The following AP1G1 variants were observed in gnomAD, a reference collection of about 807,000 sequenced individuals.
AP1G1 encodes the protein adaptor related protein complex 1 subunit gamma 1, also known as AP-1 complex subunit gamma-1.
AP1G1 carries 7 observed loss-of-function variants against 108.3 expected under a neutral mutation model. The ratio of observed to expected loss-of-function variants is 0.06; its 90% CI spans 0.04 to 0.12. The LOEUF (loss-of-function observed/expected upper bound fraction) is 0.12. Among genes scored for constraint, AP1G1 ranks in the 10% least tolerant of loss-of-function variants. The pLI is 1.00. For missense variants in AP1G1, 756 were observed against 1,010.7 expected, an observed-to-expected ratio of 0.75 and a Z score of 3.42; for synonymous variants, 379 against 353.5, an observed-to-expected ratio of 1.07 and a Z score of -0.81.
intron 17 of AP1G1, among the ~76,000 whole-genome samples, chr16:71,746,286 A>G (rs1267130848): frequency 6.6e-6 from 1 of 152,240 alleles, no homozygotes; most frequent in Non-Finnish European, 1.5e-5. Context: ...CTGGGATTAC[A>G]GGCGTGAGCC....
intron 2 of AP1G1, among the ~76,000 whole-genome samples, chr16:71,784,327 A>G (rs985685320): frequency 3.3e-5 from 5 of 152,202 alleles, no homozygotes; most frequent in Admixed American, 1.3e-4. Context: ...CATCCAGGCA[A>G]TCTGGTTCTC....
At position 71,771,258 on chromosome 16, in the gene AP1G1, A is replaced by C. The variant is rs2031557671; in HGVS notation, c.469-6T>G. ...TGAACAGCACACAGTGCTGCCTATG[A>C]AAAAAAAAATAAAAGAACAAAAGGT... On this transcript the variant is annotated splice_region_variant and splice_polypyrimidine_tract_variant and intron_variant, in intron 4 of 22. Coordinates refer to ENST00000299980, the MANE Select transcript of AP1G1 (RefSeq NM_001128.6). The C allele has an allele frequency of 6.9e-7, 1 of 1,452,804 alleles. No homozygotes were observed. Among genetic ancestry groups the C allele is most frequent in the Non-Finnish European group, 9.2e-7 (1 of 1,083,180 alleles). 90.0% of individuals were successfully genotyped at this position (1,452,804 alleles called of 1,614,324 possible). A position where few individuals can be genotyped will look rare whatever the true frequency, so the allele number is the denominator to read the frequency against.
At chr16:71,744,694 G>T (rs914933253) in intron 19 of AP1G1, among the ~76,000 whole-genome samples, 1 of 149,318 alleles carries the variant, frequency 6.7e-6, no homozygotes, top group South Asian at 2.1e-4. Flanking sequence ...TCCTGCCTCA[G>T]CCTCCGGAGT....
chr16:71,768,990 A>AAAAAAAAAAAC (rs2031458131), intron 6 of AP1G1, among the ~76,000 whole-genome samples: 1 of 144,798 alleles, frequency 6.9e-6, no homozygotes, highest in African/African-American at 2.5e-5. Context: ...AAAAAAAAAA[A>AAAAAAAAAAAC]AAAAAAAACA....
At chr16:71,801,901 G>A (rs541780125) in intron 1 of AP1G1, among the ~76,000 whole-genome samples, 86 of 137,836 alleles carry the variant, frequency 6.2e-4, no homozygotes, top group Non-Finnish European at 9.0e-4. Flanking sequence ...CAGCCTGGGC[G>A]ACAGGGCGAG....
intron 2 of AP1G1, among the ~76,000 whole-genome samples, chr16:71,785,878 T>C (rs1045857523): frequency 6.6e-6 from 1 of 151,386 alleles, no homozygotes; most frequent in African/African-American, 2.4e-5. Flanking sequence ...CGAGACTCCA[T>C]CTCAAAGAAA....
At chr16:71,741,192 C>A (rs767129138) in intron 19 of AP1G1, among the ~76,000 whole-genome samples, 1 of 152,038 alleles carries the variant, frequency 6.6e-6, no homozygotes, top group Non-Finnish European at 1.5e-5. Context: ...TAAAAAAGAA[C>A]TATCACAATG....
At chr16:71,798,064 AACT>A in intron 1 of AP1G1, among the ~76,000 whole-genome samples, 1 of 152,354 alleles carries the variant, frequency 6.6e-6, no homozygotes, top group South Asian at 2.1e-4. Context: ...ATACGAAAAA[AACT>A]ACGAAATCTA....
At chr16:71,762,333 CCT>C (rs780192173) in intron 9 of AP1G1, among the ~76,000 whole-genome samples, 6 of 151,926 alleles carry the variant, frequency 3.9e-5, no homozygotes, top group Non-Finnish European at 8.8e-5. Context: ...GGTTTTTGTC[CCT>C]GTTTCCTGGC....
At chr16:71,773,139 A>T in intron 4 of AP1G1, 82 bp downstream of exon 4, 1 of 1,474,518 alleles carries the variant, frequency 6.8e-7, no homozygotes, top group Non-Finnish European at 9.4e-7. Flanking sequence ...TTATCATCAG[A>T]TCTTTCAAAA....
intron 12 of AP1G1, among the ~76,000 whole-genome samples, chr16:71,755,140 C>T (rs760232080): frequency 2.6e-5 from 4 of 152,160 alleles, no homozygotes; most frequent in Non-Finnish European, 4.4e-5. Flanking sequence ...AAAACAGCAT[C>T]ACAGGCCAGG....
intron 5 of AP1G1, among the ~76,000 whole-genome samples, chr16:71,770,003 C>A (rs1483935326): frequency 6.6e-6 from 1 of 152,156 alleles, no homozygotes; most frequent in East Asian, 1.9e-4. Context: ...ACACACAATG[C>A]AAGCTAGGTA....
intron 12 of AP1G1, among the ~76,000 whole-genome samples, 170 bp from the exon 13 acceptor site, chr16:71,754,057 G>A (rs1054516751): frequency 2.0e-5 from 3 of 152,000 alleles, no homozygotes; most frequent in South Asian, 2.1e-4. Context: ...TGGGCAACAC[G>A]GTGAAACTCC....
At chr16:71,773,092 TA>T in intron 4 of AP1G1, 128 bp downstream of exon 4, 1 of 994,052 alleles carries the variant, frequency 1.0e-6, no homozygotes, top group Non-Finnish European at 1.5e-6. Context: ...TATAATCATG[TA>T]AAACAGATTT....
At chr16:71,798,584 G>A (rs1031592848) in intron 1 of AP1G1, among the ~76,000 whole-genome samples, 2 of 150,932 alleles carry the variant, frequency 1.3e-5, no homozygotes, top group Non-Finnish European at 3.0e-5. Context: ...ACATAAATAA[G>A]ATTAAAAGAT....
At position 71,745,516 on chromosome 16, in the gene AP1G1, A is replaced by G; in HGVS notation, c.1829T>C (p.Leu610Pro). 4 of 1,614,158 alleles carry G rather than the reference A, an allele frequency of 2.5e-6. No individual in the cohort carries two copies. The highest frequency in any genetic ancestry group is 3.4e-6 in the Non-Finnish European group (4 of 1,180,034). Residue 610 changes from leucine (L) to proline (P), a missense_variant, in exon 18 of 23, where the codon CTA becomes CCA. This residue lies in a region of AP1G1 where 357 missense variants were observed against 366.5 expected (regional missense o/e 0.97). Coordinates refer to ENST00000299980, the MANE Select transcript of AP1G1 (RefSeq NM_001128.6). ...CCCAGAGGGTGGCGGTTTGGTCTCT[A>G]GTGGAGCTGGTTCTGTCTCTCCATT... ...QTNGETEPAP[L>P]ETKPPPSGPQ...
At position 71,745,618 on chromosome 16, in the gene AP1G1, G is replaced by C; in HGVS notation, c.1731-4C>G. 6.2e-7 allele frequency: 1 copy of C among 1,613,068 alleles called. No homozygotes were observed. Among genetic ancestry groups the C allele is most frequent in the Non-Finnish European group, 8.5e-7 (1 of 1,179,028 alleles). ...CATTCTCTCAAGTAGGGCAGACCTA[G>C]AAGAATCTGAAGTGGTTAAATTCTA... On this transcript the variant is annotated splice_region_variant and splice_polypyrimidine_tract_variant and intron_variant, in intron 17 of 22. Transcript: ENST00000299980.
At chr16:71,806,900 T>C (rs1465344914) in intron 1 of AP1G1, among the ~76,000 whole-genome samples, 1 of 152,242 alleles carries the variant, frequency 6.6e-6, no homozygotes, top group African/African-American at 2.4e-5. Flanking sequence ...GGAATTTATC[T>C]ACAATCTCAT....
intron 1 of AP1G1, among the ~76,000 whole-genome samples, chr16:71,792,841 G>A (rs1469836424): frequency 1.3e-5 from 2 of 150,338 alleles, no homozygotes; most frequent in African/African-American, 2.5e-5. Context: ...GTGACGGAGC[G>A]AGACTCTGTC....
Sources: allele counts gnomAD v4.1 joint callset (sites outside exome capture counted in the v4.1 genomes callset), GRCh38; gene constraint gnomAD v4.1.1; regional missense constraint gnomAD v4.1.1; transcripts MANE v1.5; gene names NCBI Gene and HGNC (gene_info 2026-07-23, HGNC 2026-07-21).